PAFAH1B2: variants seen among roughly 807,000 people sequenced by gnomAD.
The protein encoded by PAFAH1B2 is platelet activating factor acetylhydrolase 1b catalytic subunit 2.
Under a neutral mutation model 28.0 loss-of-function variants are expected in PAFAH1B2, and 8 were observed. That is an observed-to-expected ratio of 0.29 (90% CI 0.17 to 0.52). The LOEUF (loss-of-function observed/expected upper bound fraction) is 0.52, where lower values mean the gene tolerates loss of function less well. Among genes scored for constraint, PAFAH1B2 ranks in the 20% least tolerant of loss-of-function variants. The pLI is 0.97. For missense variants in PAFAH1B2, 190 were observed against 282.6 expected (o/e 0.67, Z 2.35); for synonymous variants, 104 against 103.2 (o/e 1.01, Z -0.05).
At chr11:117,161,830 A>C (rs1956377014) in intron 4 of PAFAH1B2, among the ~76,000 whole-genome samples, 1 of 152,106 alleles carries the variant, frequency 6.6e-6, no homozygotes, top group East Asian at 1.9e-4. Flanking sequence ...TTTGATGCTA[A>C]CGAGGTATGC....
At position 117,168,578 on chromosome 11, in the gene PAFAH1B2, C is replaced by T; in HGVS notation, c.*879C>T. 5.7e-6 allele frequency: 6 copies of T among 1,053,754 alleles called. No individual in the cohort carries two copies. Among genetic ancestry groups the T allele is most frequent in the Non-Finnish European group, 6.9e-6 (6 of 873,384 alleles). 65.3% of individuals were successfully genotyped at this position (1,053,754 alleles called of 1,614,324 possible). ...CTCTCATGATAGTACTGCTATAAAA[C>T]TCATTCTTGTGTGGTGTTCTGTGCT... On this transcript the variant is annotated 3_prime_UTR_variant, in exon 6 of 6. Transcript: ENST00000527958.
intron 1 of PAFAH1B2, among the ~76,000 whole-genome samples, chr11:117,146,132 T>TG (rs1491500424): frequency 6.2e-4 from 82 of 132,770 alleles, no homozygotes; most frequent in East Asian, 2.7e-3. Flanking sequence ...TTTTTTTTTT[T>TG]TGTGTGTGTG....
At chr11:117,150,516 T>A (rs2134172238) in intron 1 of PAFAH1B2, among the ~76,000 whole-genome samples, 1 of 152,242 alleles carries the variant, frequency 6.6e-6, no homozygotes, top group Middle Eastern at 3.4e-3. Context: ...TGAGCTAATT[T>A]GTTTGCATAA....
At chr11:117,176,728 T>C (rs1465835162) in exon 6 of PAFAH1B2, 1 of 153,694 alleles carries the variant, frequency 6.5e-6, no homozygotes, top group African/African-American at 2.4e-5. Flanking sequence ...ATACAAGAAA[T>C]TAGCAGGGTG....
rs528110141 is a variant in PAFAH1B2, at chr11:117,170,484, T to G, written c.*2785T>G. On this transcript the variant is annotated 3_prime_UTR_variant, in exon 6 of 6. Transcript: ENST00000527958. ...CCAGTCCATGTGTTCTCGGTCGCCG[T>G]AGACAGCGCTCTGGCTACCACCGTG... 168 of 1,060,326 alleles carry G rather than the reference T, an allele frequency of 1.6e-4. No individual in the cohort carries two copies. Among genetic ancestry groups the G allele is most frequent in the Non-Finnish European group, 5.4e-5 (47 of 876,498 alleles). The allele number at this position is 1,060,326 out of a possible 1,614,324, so 65.7% of individuals were successfully genotyped here. A position where few individuals can be genotyped will look rare whatever the true frequency, so the allele number is the denominator to read the frequency against.
intron 4 of PAFAH1B2, among the ~76,000 whole-genome samples, chr11:117,162,388 C>T (rs1956394147): frequency 6.6e-6 from 1 of 151,798 alleles, no homozygotes; most frequent in South Asian, 2.1e-4. Flanking sequence ...TGATGATCCT[C>T]CCGCCCCGGC....
In PAFAH1B2 at chr11:117,170,449, A is replaced by G. The variant is rs1312146745; in HGVS notation, c.*2750A>G. On this transcript the variant is annotated 3_prime_UTR_variant, in exon 6 of 6. Transcript: ENST00000527958. ...TGTACTGCCACGGGTGATCTAGGGC[A>G]GGCTGTCTTCCAGTCCATGTGTTCT... is the stretch of plus-strand genomic sequence containing the variant. The G allele has an allele frequency of 4.7e-6, 5 of 1,059,806 alleles. No homozygotes were observed. In the South Asian group the frequency reaches 1.4e-4, roughly 29 times the overall value. The allele number at this position is 1,059,806 out of a possible 1,614,324, so 65.7% of individuals were successfully genotyped here. A position where few individuals can be genotyped will look rare whatever the true frequency, so the allele number is the denominator to read the frequency against.
intron 2 of PAFAH1B2, among the ~76,000 whole-genome samples, chr11:117,157,652 C>T (rs1956281468): frequency 6.6e-6 from 1 of 152,042 alleles, no homozygotes; most frequent in Non-Finnish European, 1.5e-5. Context: ...GAAACCTAGG[C>T]ATGATAGAGC....
chr11:117,152,593 T>A, intron 2 of PAFAH1B2, 65 bp downstream of exon 2: 1 of 1,227,114 alleles, frequency 8.1e-7, no homozygotes, highest in Non-Finnish European at 1.2e-6. Flanking sequence ...CTGTTTTGTT[T>A]TAGTTTTTGA....
chr11:117,147,256 G>A (rs942061585), intron 1 of PAFAH1B2, among the ~76,000 whole-genome samples: 8 of 152,108 alleles, frequency 5.3e-5, no homozygotes, highest in Admixed American at 2.6e-4. Flanking sequence ...CAACGGGAGC[G>A]AAACTCTGTC....
rs945190240 is a variant in PAFAH1B2 at position 117,169,961 on chromosome 11, CAT to C, written c.*2263_*2264del. On this transcript the variant is annotated 3_prime_UTR_variant, in exon 6 of 6. Coordinates refer to ENST00000527958, the MANE Select transcript of PAFAH1B2 (RefSeq NM_002572.4). ...TGAGCTGGCCCTCAGCTCCTTTGCT[CAT>C]GTGTACAAACCTCAGATGTTACTAC... 5.7e-6 allele frequency: 6 copies of C among 1,053,082 alleles called. No individual in the cohort carries two copies. In the African/African-American group the frequency reaches 9.9e-5, roughly 17 times the overall value. 65.2% of individuals were successfully genotyped at this position (1,053,082 alleles called of 1,614,324 possible).
chr11:117,166,134 C>T (rs770566061), intron 5 of PAFAH1B2, among the ~76,000 whole-genome samples: 11 of 152,244 alleles, frequency 7.2e-5, no homozygotes, highest in Non-Finnish European at 1.0e-4. Context: ...TGAGCCACTG[C>T]GCCAGACCAG....
chr11:117,159,892 G>A (rs1192012405), intron 2 of PAFAH1B2, 42 bp from the exon 3 acceptor site: 1 of 1,426,968 alleles, frequency 7.0e-7, no homozygotes, highest in Admixed American at 1.7e-5. Context: ...CACCCAGCCA[G>A]AAGTGCCAGT....
downstream of PAFAH1B2, chr11:117,175,904 A>G: frequency 6.5e-7 from 1 of 1,535,800 alleles, no homozygotes; most frequent in Non-Finnish European, 8.7e-7. Flanking sequence ...TTAATGTTTC[A>G]GATTATTTAC....
chr11:117,175,056 G>T, downstream of PAFAH1B2: 2 of 1,313,300 alleles, frequency 1.5e-6, no homozygotes, highest in Non-Finnish European at 1.9e-6. Context: ...TGTGTTGAAT[G>T]GTCCCATTTC....
At chr11:117,146,431 G>C (rs1956010977) in intron 1 of PAFAH1B2, among the ~76,000 whole-genome samples, 1 of 152,036 alleles carries the variant, frequency 6.6e-6, no homozygotes, top group Admixed American at 6.6e-5. Context: ...CTCTTAGTTC[G>C]TTCTTATTTT....
downstream of PAFAH1B2, chr11:117,175,024 G>A (rs781480779): frequency 4.9e-5 from 69 of 1,396,486 alleles, no homozygotes; most frequent in Non-Finnish European, 6.1e-5. Context: ...TGGACTCATG[G>A]GTCCAGCAAG....
At chr11:117,144,729 G>T (rs926221853) in intron 1 of PAFAH1B2, among the ~76,000 whole-genome samples, 1 of 151,988 alleles carries the variant, frequency 6.6e-6, no homozygotes, top group African/African-American at 2.4e-5. Flanking sequence ...GGAGGGTAGC[G>T]CGGCGGGCGC....
intron 5 of PAFAH1B2, among the ~76,000 whole-genome samples, chr11:117,165,250 C>G (rs1231329067): frequency 6.7e-6 from 1 of 150,202 alleles, no homozygotes; most frequent in African/African-American, 2.5e-5. Context: ...TCACGCCTGG[C>G]TGAAGCAGAG....
Sources: allele counts gnomAD v4.1 joint callset (sites outside exome capture counted in the v4.1 genomes callset), GRCh38; gene constraint gnomAD v4.1.1; transcripts MANE v1.5; gene names NCBI Gene and HGNC (gene_info 2026-07-23, HGNC 2026-07-21).